Variants in RBFOX3 observed in about 807,000 individuals in gnomAD.
The protein encoded by RBFOX3 is RNA binding protein fox-1 homolog 3.
In RBFOX3, 17 loss-of-function variants were observed where a neutral mutation model predicts 48.7. That is an observed-to-expected ratio of 0.35 (90% CI 0.24 to 0.52). The LOEUF is 0.52. Among genes scored for constraint, RBFOX3 ranks in the 20% least tolerant of loss-of-function variants. The probability of loss-of-function intolerance (pLI) is 0.94; values close to 1 mark genes in which losing one functional copy is unlikely to be tolerated. For missense variants in RBFOX3, 382 were observed against 497.5 expected, an observed-to-expected ratio of 0.77 and a Z score of 2.21; for synonymous variants, 212 against 209.5, an observed-to-expected ratio of 1.01 and a Z score of -0.10.
intron 4 of RBFOX3, among the ~76,000 whole-genome samples, chr17:79,213,032 T>C (rs2147172836): frequency 6.6e-6 from 1 of 152,184 alleles, no homozygotes; most frequent in Non-Finnish European, 1.5e-5. Flanking sequence ...ATTTTTTGTA[T>C]TTTTAGTGGA....
chr17:79,305,089 C>G (rs1600527089), intron 3 of RBFOX3, among the ~76,000 whole-genome samples: 1 of 152,192 alleles, frequency 6.6e-6, no homozygotes, highest in East Asian at 1.9e-4. Context: ...GGGCCGCCGC[C>G]TGGCCAGGGC....
intron 2 of RBFOX3, among the ~76,000 whole-genome samples, chr17:79,366,739 T>C (rs1479142757): frequency 6.6e-6 from 1 of 152,220 alleles, no homozygotes. Flanking sequence ...GGCTTCTGCC[T>C]GTGGACACTG....
At chr17:79,536,749 T>G (rs920197070) in intron 1 of RBFOX3, among the ~76,000 whole-genome samples, 1 of 152,260 alleles carries the variant, frequency 6.6e-6, no homozygotes, top group African/African-American at 2.4e-5. Flanking sequence ...TGTGTGTGAC[T>G]TGTGGCTGCC....
intron 3 of RBFOX3, among the ~76,000 whole-genome samples, chr17:79,292,584 G>GCA (rs937932598): frequency 6.3e-5 from 4 of 63,630 alleles, no homozygotes; most frequent in South Asian, 4.9e-4. Flanking sequence ...ACACACACAT[G>GCA]CACACACACA....
intron 3 of RBFOX3, among the ~76,000 whole-genome samples, chr17:79,245,319 C>T (rs962441509): frequency 6.6e-6 from 1 of 152,076 alleles, no homozygotes; most frequent in African/African-American, 2.4e-5. Context: ...GGCCACATGC[C>T]ACGGTGGCCT....
chr17:79,543,870 TGGGCC>T lies in RBFOX3; in HGVS notation c.-319-61277_-319-61273del, dbSNP rs2090052100. Among the ~76,000 whole-genome samples, 16 of 125,964 alleles carry T rather than the reference TGGGCC, an allele frequency of 1.3e-4. No individual in the cohort carries two copies. In the South Asian group the frequency reaches 4.1e-3, roughly 33 times the overall value. The allele number at this position is 125,964 out of a possible 152,430, so 82.6% of individuals were successfully genotyped here. A position where few individuals can be genotyped will look rare whatever the true frequency, so the allele number is the denominator to read the frequency against. On this transcript the variant is annotated intron_variant, in intron 1 of 14. Transcript: ENST00000693108. ...AATGGGGCAAGGGTGGGATGCAGGG[TGGGCC>T]GAATGGGGCAAGGGTGGGATGCAGG...
intron 2 of RBFOX3, among the ~76,000 whole-genome samples, chr17:79,425,882 G>T (rs1049258076): frequency 6.6e-6 from 1 of 152,202 alleles, no homozygotes; most frequent in Non-Finnish European, 1.5e-5. Context: ...CCCTTCCAGG[G>T]ATCTTGCTGC....
chr17:79,444,187 G>C (rs1364499594), intron 2 of RBFOX3, among the ~76,000 whole-genome samples: 1 of 152,154 alleles, frequency 6.6e-6, no homozygotes, highest in African/African-American at 2.4e-5. Context: ...CCAAGGAGGG[G>C]GCTGCAGACC....
chr17:79,534,277 G>A (rs1041975566), intron 1 of RBFOX3, among the ~76,000 whole-genome samples: 3 of 152,172 alleles, frequency 2.0e-5, no homozygotes, highest in African/African-American at 4.8e-5. Flanking sequence ...CGGCATCACC[G>A]TTCAGAAGGG....
At chr17:79,573,814 G>C (rs909390026) in intron 1 of RBFOX3, among the ~76,000 whole-genome samples, 3 of 152,146 alleles carry the variant, frequency 2.0e-5, no homozygotes, top group Non-Finnish European at 2.9e-5. Context: ...TCTGCCCGGT[G>C]GGGGGAGGGT....
In RBFOX3 at chr17:79,364,106, C is replaced by T. The variant is rs989149751; in HGVS notation, c.-174-56282G>A. Among the ~76,000 whole-genome samples the T allele has an allele frequency of 3.3e-5, 5 of 152,200 alleles. No individual in the cohort carries two copies. Among genetic ancestry groups the T allele is most frequent in the African/African-American group, 9.6e-5 (4 of 41,454 alleles). Reference sequence around the variant, plus strand: ...CACCCCATGGATTTTCGGGACAGCACGCACCACTCTGGGACCATTCACTCA... The same window carrying T: ...CACCCCATGGATTTTCGGGACAGCATGCACCACTCTGGGACCATTCACTCA... On this transcript the variant is annotated intron_variant, in intron 2 of 14. Coordinates refer to ENST00000693108, the MANE Select transcript of RBFOX3 (RefSeq NM_001350451.2). The surrounding 1 kb of genome is among the most constrained non-coding windows in gnomAD (Gnocchi z 5.1).
chr17:79,578,396 T>G (rs1232726351), intron 1 of RBFOX3, among the ~76,000 whole-genome samples: 1 of 152,244 alleles, frequency 6.6e-6, no homozygotes, highest in Non-Finnish European at 1.5e-5. Flanking sequence ...CTGGTACCCC[T>G]TGGGGCAGGC....
the RBFOX3 span, among the ~76,000 whole-genome samples, chr17:79,658,275 G>C: frequency 6.9e-6 from 1 of 145,742 alleles, no homozygotes; most frequent in African/African-American, 2.6e-5. Context: ...CTCCCTCCCT[G>C]TCTCCTCCTC....
intron 4 of RBFOX3, among the ~76,000 whole-genome samples, chr17:79,233,108 C>T (rs1052177573): frequency 1.3e-5 from 2 of 152,196 alleles, no homozygotes; most frequent in Admixed American, 6.5e-5. Flanking sequence ...AAATGTCCTT[C>T]AAGGAATGAA....
intron 1 of RBFOX3, among the ~76,000 whole-genome samples, chr17:79,569,248 C>A (rs1243052518): frequency 6.6e-6 from 1 of 152,100 alleles, no homozygotes; most frequent in Admixed American, 6.5e-5. Context: ...CTCCCCACTC[C>A]CCCCAAGCCC....
At chr17:79,639,411 C>T in the RBFOX3 span, among the ~76,000 whole-genome samples, 6 of 152,104 alleles carry the variant, frequency 3.9e-5, no homozygotes, top group Non-Finnish European at 4.4e-5. Context: ...CTCCTGACCT[C>T]GTGATCTGCC....
intron 3 of RBFOX3, among the ~76,000 whole-genome samples, chr17:79,236,773 A>C (rs2061685856): frequency 6.6e-6 from 1 of 152,142 alleles, no homozygotes; most frequent in Admixed American, 6.5e-5. Context: ...TCACAAAGCT[A>C]GCTCACTGGG....
intron 3 of RBFOX3, among the ~76,000 whole-genome samples, chr17:79,248,971 C>A (rs141685033): frequency 6.6e-6 from 1 of 152,254 alleles, no homozygotes; most frequent in South Asian, 2.1e-4. Flanking sequence ...GCCTGCCACT[C>A]GCCAAGCCCC....
chr17:79,647,712 C>A, the RBFOX3 span, among the ~76,000 whole-genome samples: 1 of 152,160 alleles, frequency 6.6e-6, no homozygotes, highest in African/African-American at 2.4e-5. Flanking sequence ...CATGGCACAG[C>A]GCATGACCAG....
Sources: allele counts gnomAD v4.1 joint callset (sites outside exome capture counted in the v4.1 genomes callset), GRCh38; gene constraint gnomAD v4.1.1; non-coding constraint Gnocchi (gnomAD v3.1); transcripts MANE v1.5; gene names NCBI Gene and HGNC (gene_info 2026-07-23, HGNC 2026-07-21).